ST6GALNAC3: variants seen among roughly 807,000 people sequenced by gnomAD.
ST6GALNAC3 encodes alpha-N-acetylgalactosaminide alpha-2,6-sialyltransferase 3.
In ST6GALNAC3, 25 loss-of-function variants were observed where a neutral mutation model predicts 32.7. The ratio of observed to expected loss-of-function variants is 0.76; its 90% confidence interval spans 0.56 to 1.07. ST6GALNAC3 has a LOEUF of 1.07. Among genes scored for constraint, ST6GALNAC3 ranks in the 50% least tolerant of loss-of-function variants. The probability of loss-of-function intolerance (pLI) is 0.00; values close to 1 mark genes in which losing one functional copy is unlikely to be tolerated. For missense variants in ST6GALNAC3, 355 were observed against 382.4 expected (o/e 0.93, Z 0.60); for synonymous variants, 129 against 133.1 (o/e 0.97, Z 0.21).
intron 1 of ST6GALNAC3, among the ~76,000 whole-genome samples, chr1:76,179,840 G>A (rs1300504653): frequency 6.6e-6 from 1 of 152,168 alleles, no homozygotes; most frequent in East Asian, 1.9e-4. Context: ...TCCTCTGGCT[G>A]AAAGATGTTT....
At chr1:76,349,558 G>T (rs1648804332) in intron 2 of ST6GALNAC3, among the ~76,000 whole-genome samples, 1 of 152,072 alleles carries the variant, frequency 6.6e-6, no homozygotes, top group Non-Finnish European at 1.5e-5. Flanking sequence ...GACTGGGGGT[G>T]GTATGGCAAG....
chr1:76,477,592 G>A (rs1659437754), intron 3 of ST6GALNAC3, among the ~76,000 whole-genome samples: 1 of 152,268 alleles, frequency 6.6e-6, no homozygotes, highest in South Asian at 2.1e-4. Context: ...TGTCAAGGAA[G>A]AAGCAGCTCA....
At chr1:76,239,830 T>C (rs1656869132) in intron 1 of ST6GALNAC3, among the ~76,000 whole-genome samples, 1 of 152,182 alleles carries the variant, frequency 6.6e-6, no homozygotes, top group Admixed American at 6.5e-5. Flanking sequence ...TGAAATTGGA[T>C]ACAGGGCTGA....
intron 1 of ST6GALNAC3, among the ~76,000 whole-genome samples, chr1:76,299,315 G>C (rs1406349085): frequency 6.6e-6 from 1 of 152,014 alleles, no homozygotes; most frequent in Non-Finnish European, 1.5e-5. Context: ...GAAATACCCA[G>C]ATTCTTGTAT....
chr1:76,403,240 G>A (rs760887464), intron 2 of ST6GALNAC3, among the ~76,000 whole-genome samples: 5 of 151,996 alleles, frequency 3.3e-5, no homozygotes, highest in Non-Finnish European at 7.4e-5. Flanking sequence ...TAACTCTGTA[G>A]GAAATAGAAG....
intron 1 of ST6GALNAC3, among the ~76,000 whole-genome samples, chr1:76,190,464 G>A (rs1290413737): frequency 6.6e-6 from 1 of 152,092 alleles, no homozygotes; most frequent in Non-Finnish European, 1.5e-5. Context: ...GACAAGTCAA[G>A]TAAAACAAAA....
intron 1 of ST6GALNAC3, among the ~76,000 whole-genome samples, chr1:76,093,356 A>G (rs1000646713): frequency 6.6e-6 from 1 of 152,184 alleles, no homozygotes; most frequent in Non-Finnish European, 1.5e-5. Flanking sequence ...TTAACTTTTC[A>G]TGGATTGCAG....
In ST6GALNAC3 at chr1:76,129,449, G is replaced by A. The variant is rs569155065; in HGVS notation, c.18+54565G>A. On this transcript the variant is annotated intron_variant, in intron 1 of 4. Transcript: ENST00000328299. ...ATTCTCCAGTGTGGATTTCAGTGCC[G>A]TTTCCCTTTGTCTGGAGTGCAGTGT... 1.4e-4 allele frequency among the ~76,000 whole-genome samples: 22 copies of A among 152,220 alleles called. No homozygotes were observed. In the South Asian group the frequency reaches 2.1e-3, roughly 14 times the overall value.
At chr1:76,493,004 G>T (rs183704334) in intron 3 of ST6GALNAC3, among the ~76,000 whole-genome samples, 1 of 151,980 alleles carries the variant, frequency 6.6e-6, no homozygotes, top group East Asian at 1.9e-4. Context: ...GAAAGAGGAA[G>T]GACATGAAAC....
chr1:76,620,821 GC>G (rs1451228135), intron 3 of ST6GALNAC3, among the ~76,000 whole-genome samples: 3 of 152,082 alleles, frequency 2.0e-5, no homozygotes, highest in African/African-American at 7.2e-5. Context: ...TAAGGAACCG[GC>G]CACTGATAAA....
In ST6GALNAC3 at chr1:76,613,262, C is replaced by T. The variant is rs112566350; in HGVS notation, c.624-14190C>T. 2.5e-3 allele frequency among the ~76,000 whole-genome samples: 379 copies of T among 152,320 alleles called. 2 individuals are homozygous for T. The highest frequency in any genetic ancestry group is 8.5e-3 in the African/African-American group (355 of 41,574). ...AGTAAATAAGCCTCTTGATGTTGAT[C>T]TATCTCCTGGGGGGTCCAATAAATT... On this transcript the variant is annotated intron_variant, in intron 3 of 4. Coordinates refer to ENST00000328299, the MANE Select transcript of ST6GALNAC3 (RefSeq NM_152996.4).
At chr1:76,596,175 C>T (rs907104203) in intron 3 of ST6GALNAC3, among the ~76,000 whole-genome samples, 10 of 152,296 alleles carry the variant, frequency 6.6e-5, no homozygotes, top group Admixed American at 6.5e-5. Context: ...CTAGAAAACT[C>T]TTCGACCTCC....
At chr1:76,127,538 C>T (rs968479048) in intron 1 of ST6GALNAC3, among the ~76,000 whole-genome samples, 2 of 152,068 alleles carry the variant, frequency 1.3e-5, no homozygotes, top group African/African-American at 2.4e-5. Context: ...TTTTACCATG[C>T]GATTGAATAA....
intron 3 of ST6GALNAC3, among the ~76,000 whole-genome samples, chr1:76,576,065 AG>A (rs1262134307): frequency 6.6e-6 from 1 of 152,086 alleles, no homozygotes; most frequent in African/African-American, 2.4e-5. Flanking sequence ...GGGGAGGGAA[AG>A]GATGGTTTCT....
At chr1:76,496,164 A>T (rs1357508254) in intron 3 of ST6GALNAC3, among the ~76,000 whole-genome samples, 1 of 152,144 alleles carries the variant, frequency 6.6e-6, no homozygotes, top group Non-Finnish European at 1.5e-5. Context: ...CATATGGAAA[A>T]ATCTGCCTGA....
intron 1 of ST6GALNAC3, among the ~76,000 whole-genome samples, chr1:76,193,969 C>A (rs1219387123): frequency 6.6e-6 from 1 of 152,152 alleles, no homozygotes; most frequent in African/African-American, 2.4e-5. Flanking sequence ...TAATTACTTT[C>A]TTACTCCTAA....
At chr1:76,272,199 G>A (rs1055771187) in intron 1 of ST6GALNAC3, among the ~76,000 whole-genome samples, 3 of 151,586 alleles carry the variant, frequency 2.0e-5, no homozygotes, top group East Asian at 1.9e-4. Flanking sequence ...GGTGGTGGGC[G>A]CCTGTAGTCC....
At chr1:76,319,443 A>G (rs1468740499) in intron 2 of ST6GALNAC3, among the ~76,000 whole-genome samples, 1 of 152,222 alleles carries the variant, frequency 6.6e-6, no homozygotes, top group Non-Finnish European at 1.5e-5. Context: ...TGTGCATAAC[A>G]TATTGATGTT....
At chr1:76,437,554 A>G (rs1383900799) in intron 3 of ST6GALNAC3, among the ~76,000 whole-genome samples, 1 of 149,902 alleles carries the variant, frequency 6.7e-6, no homozygotes, top group Non-Finnish European at 1.5e-5. Flanking sequence ...AAAAATAGCT[A>G]TAATTCTTTT....
Sources: gnomAD v4.1 joint callset for allele counts (sites outside exome capture counted in the v4.1 genomes callset) on GRCh38, gnomAD v4.1.1 for gene constraint, MANE v1.5 for transcripts, NCBI Gene and HGNC (gene_info 2026-07-23, HGNC 2026-07-21) for gene names.